The following AVEN variants were observed in gnomAD, a reference collection of about 807,000 sequenced individuals.
AVEN encodes apoptosis and caspase activation inhibitor.
In AVEN, 41 loss-of-function variants were observed where a neutral mutation model predicts 38.1. That is an observed-to-expected ratio of 1.08 (90% CI 0.84 to 1.40). The LOEUF is 1.40. AVEN is among the 40% of genes most tolerant of loss of function. AVEN has a pLI of 0.00. For synonymous variants in AVEN, 206 were observed against 171.8 expected, an observed-to-expected ratio of 1.20 and a Z score of -1.56; for missense variants, 605 against 438.8, an observed-to-expected ratio of 1.38 and a Z score of -3.38.
At chr15:34,046,096 AT>A (rs1205785258) in intron 5 of AVEN, among the ~76,000 whole-genome samples, 6 of 152,214 alleles carry the variant, frequency 3.9e-5, no homozygotes, top group African/African-American at 7.2e-5. Context: ...AACCACTTAT[AT>A]TTCATTTGCC....
chr15:34,064,003 G>A (rs762689264), intron 4 of AVEN: 11 of 1,614,042 alleles, frequency 6.8e-6, no homozygotes, highest in Admixed American at 1.7e-5. Flanking sequence ...ATGACCAAAC[G>A]AAAGAGAGTG....
intron 2 of AVEN, among the ~76,000 whole-genome samples, chr15:33,913,830 C>A (rs184430995): frequency 1.5e-4 from 23 of 152,270 alleles, no homozygotes; most frequent in Admixed American, 5.2e-4. Context: ...AAGACCATTC[C>A]TTATTCTTGG....
chr15:33,920,052 T>C (rs1022705604), intron 2 of AVEN, among the ~76,000 whole-genome samples: 1 of 151,996 alleles, frequency 6.6e-6, no homozygotes, highest in African/African-American at 2.4e-5. Flanking sequence ...CTACCCTCAA[T>C]AGTACCCCTT....
chr15:33,866,598 C>CT lies in AVEN; in HGVS notation c.*14dup, dbSNP rs771369535. The CT allele has an allele frequency of 3.5e-5, 56 of 1,605,540 alleles. No homozygotes were observed. In the African/African-American group the frequency reaches 5.5e-4, roughly 16 times the overall value. The stretch of plus-strand genomic sequence containing the variant: ...AGGCAACCAAGATTTGCTTCAGGCA[C>CT]TTTTTTTCCCCTTTTTAGGAAATCA... On this transcript the variant is annotated 3_prime_UTR_variant, in exon 6 of 6. Coordinates refer to ENST00000306730, the MANE Select transcript of AVEN (RefSeq NM_020371.3).
At chr15:34,000,434 C>G (rs632591) in intron 2 of AVEN, among the ~76,000 whole-genome samples, 122,485 of 152,102 alleles carry the variant, frequency 0.81, 49,561 homozygotes, top group East Asian at 1. Context: ...ACAGTACTAG[C>G]TATTTGCAGA....
At chr15:33,882,633 G>A (rs1406332639) in intron 2 of AVEN, among the ~76,000 whole-genome samples, 1 of 152,038 alleles carries the variant, frequency 6.6e-6, no homozygotes, top group Non-Finnish European at 1.5e-5. Context: ...TTGGGAGGCT[G>A]AGGTGGAAGG....
chr15:33,963,972 A>T (rs1168435011), intron 2 of AVEN, among the ~76,000 whole-genome samples: 4 of 151,928 alleles, frequency 2.6e-5, no homozygotes, highest in African/African-American at 9.7e-5. Context: ...CAAACTTAGA[A>T]ATCTAAAAGA....
intron 2 of AVEN, among the ~76,000 whole-genome samples, chr15:33,906,777 T>C (rs1892716605): frequency 6.6e-6 from 1 of 152,074 alleles, no homozygotes; most frequent in Non-Finnish European, 1.5e-5. Context: ...AATTTCAGTT[T>C]AGGAAAATGA....
intron 1 of AVEN, among the ~76,000 whole-genome samples, chr15:34,074,056 G>A (rs1333469095): frequency 8.1e-6 from 1 of 123,866 alleles, no homozygotes; most frequent in African/African-American, 3.3e-5. Context: ...GGAGTGCAGT[G>A]TCACAATTTC....
At chr15:33,856,973 C>T (rs143614597), downstream of AVEN, among the ~76,000 whole-genome samples, 203 of 152,174 alleles carry the variant, frequency 1.3e-3, no homozygotes, top group African/African-American at 4.5e-3. Context: ...GTTTTTTAAG[C>T]AGCAGCATTA....
chr15:34,038,799 C>T lies in AVEN; in HGVS notation c.248G>A (p.Gly83Asp), dbSNP rs192378891. The T allele has an allele frequency of 2.1e-3, 2,485 of 1,192,834 alleles. 56 individuals are homozygous for T. In the African/African-American group the frequency reaches 0.037, roughly 18 times the overall value. 73.9% of individuals were successfully genotyped at this position (1,192,834 alleles called of 1,614,324 possible). A position where few individuals can be genotyped will look rare whatever the true frequency, so the allele number is the denominator to read the frequency against. ...TCTTACCGGCGCGCTGGCCCCTGCG[C>T]CCCAGCCTCCCGGCTCCCGGCGGCT... ...RGSRREPGGW[G>D]AGASAPVEDD... The change falls in exon 1 of 6, where the codon GGC becomes GAC. Residue 83 changes from glycine to aspartate, a missense_variant. Physicochemically the swap from Gly to Asp is moderately conservative, Grantham distance 94 (BLOSUM62 -1). Coordinates refer to ENST00000306730, the MANE Select transcript of AVEN (RefSeq NM_020371.3).
intron 2 of AVEN, among the ~76,000 whole-genome samples, chr15:33,883,375 C>A (rs113015325): frequency 1.2e-3 from 185 of 152,114 alleles, no homozygotes; most frequent in African/African-American, 4.2e-3. Flanking sequence ...TCCCAGTAGT[C>A]CATTTTACAA....
At chr15:34,029,145 C>T (rs1898640839) in intron 1 of AVEN, among the ~76,000 whole-genome samples, 1 of 152,132 alleles carries the variant, frequency 6.6e-6, no homozygotes, top group South Asian at 2.1e-4. Context: ...CCTCTCCATC[C>T]AGGGACAGAA....
chr15:34,033,335 G>A (rs1333739128), intron 1 of AVEN, among the ~76,000 whole-genome samples: 2 of 151,952 alleles, frequency 1.3e-5, no homozygotes, highest in South Asian at 2.1e-4. Context: ...GTGAAATCCC[G>A]TCTCTACTAA....
intron 2 of AVEN, among the ~76,000 whole-genome samples, chr15:33,989,446 A>G (rs374362523): frequency 7.1e-6 from 1 of 140,332 alleles, no homozygotes; most frequent in Admixed American, 7.0e-5. Context: ...TTTTGTTTGG[A>G]GTTTAAAAAA....
At chr15:34,046,807 G>A (rs368333114) in intron 5 of AVEN, 18 of 152,514 alleles carry the variant, frequency 1.2e-4, no homozygotes, top group African/African-American at 4.1e-4. Flanking sequence ...AAGCAGGGTG[G>A]GGTGACGGCC....
At chr15:33,894,170 A>T (rs1327812689) in intron 2 of AVEN, among the ~76,000 whole-genome samples, 2 of 151,902 alleles carry the variant, frequency 1.3e-5, no homozygotes, top group Admixed American at 1.3e-4. Flanking sequence ...GGCTGATCTC[A>T]AACTCTTGAC....
chr15:33,938,039 A>G (rs1299462586), intron 2 of AVEN, among the ~76,000 whole-genome samples: 2 of 152,180 alleles, frequency 1.3e-5, no homozygotes, highest in East Asian at 3.9e-4. Flanking sequence ...ATCATAACAT[A>G]AAATCATAAA....
downstream of AVEN, chr15:33,864,608 G>A (rs995720440): frequency 1.1e-5 from 2 of 176,884 alleles, no homozygotes; most frequent in African/African-American, 4.7e-5. Context: ...GAGAGGATGA[G>A]TGAAAGGATG....
Sources: allele counts gnomAD v4.1 joint callset (sites outside exome capture counted in the v4.1 genomes callset), GRCh38; gene constraint gnomAD v4.1.1; transcripts MANE v1.5; gene names NCBI Gene and HGNC (gene_info 2026-07-23, HGNC 2026-07-21).